The following CAPZB variants were observed in gnomAD, a reference collection of about 807,000 sequenced individuals.
CAPZB encodes the protein capping actin protein of muscle Z-line subunit beta.
In CAPZB, 2 loss-of-function variants were observed where a neutral mutation model predicts 38.1. The observed-to-expected ratio is 0.05, with a 90% confidence interval of 0.02 to 0.17. The LOEUF (loss-of-function observed/expected upper bound fraction) is 0.17, where lower values mean the gene tolerates loss of function less well. CAPZB is among the 10% of genes least tolerant of loss of function. CAPZB has a pLI of 1.00. For synonymous variants in CAPZB, 107 were observed against 127.4 expected (o/e 0.84, Z 1.08); for missense variants, 161 against 334.2 (o/e 0.48, Z 4.04).
chr1:19,383,433 T>G, intron 3 of CAPZB, among the ~76,000 whole-genome samples: 2 of 121,140 alleles, frequency 1.7e-5, no homozygotes, highest in Admixed American at 9.9e-5. Context: ...GACAACAGAG[T>G]GAGACTCTGT....
At chr1:19,480,929 C>CTA (rs1433043028) in intron 1 of CAPZB, among the ~76,000 whole-genome samples, 3 of 152,198 alleles carry the variant, frequency 2.0e-5, no homozygotes, top group African/African-American at 7.2e-5. Flanking sequence ...CAGGGACTAA[C>CTA]CATACACCCC....
chr1:19,475,586 G>A (rs1447081811), intron 1 of CAPZB, among the ~76,000 whole-genome samples: 1 of 152,172 alleles, frequency 6.6e-6, no homozygotes, highest in Non-Finnish European at 1.5e-5. Context: ...CGGCTCCTCT[G>A]TTCTCGACTG....
chr1:19,386,319 A>G (rs1351026332), intron 2 of CAPZB, among the ~76,000 whole-genome samples: 1 of 152,218 alleles, frequency 6.6e-6, no homozygotes, highest in Non-Finnish European at 1.5e-5. Context: ...GCAAGTAACC[A>G]GGCCACTGGC....
At chr1:19,428,321 T>C (rs1297380743) in intron 1 of CAPZB, among the ~76,000 whole-genome samples, 1 of 151,646 alleles carries the variant, frequency 6.6e-6, no homozygotes, top group African/African-American at 2.4e-5. Context: ...GAGAATCACT[T>C]GAAACTGGAA....
chr1:19,413,029 G>C (rs2094363905), intron 2 of CAPZB, among the ~76,000 whole-genome samples: 1 of 152,176 alleles, frequency 6.6e-6, no homozygotes, highest in African/African-American at 2.4e-5. Flanking sequence ...AGTGTCTGGT[G>C]CATGGATGGT....
intron 1 of CAPZB, among the ~76,000 whole-genome samples, chr1:19,457,848 A>T (rs2094537753): frequency 6.6e-6 from 1 of 152,162 alleles, no homozygotes; most frequent in Non-Finnish European, 1.5e-5. Context: ...GACATCGCTT[A>T]TAAGGAAAAA....
chr1:19,475,126 T>C (rs2094602524), intron 1 of CAPZB, among the ~76,000 whole-genome samples: 1 of 152,220 alleles, frequency 6.6e-6, no homozygotes, highest in South Asian at 2.1e-4. Context: ...CATCGTGTTG[T>C]GGTTAATGTT....
chr1:19,391,329 A>C (rs893076198), intron 2 of CAPZB, among the ~76,000 whole-genome samples: 5 of 152,242 alleles, frequency 3.3e-5, no homozygotes, highest in African/African-American at 1.2e-4. Context: ...CCTTGTCTTT[A>C]AGAAGTGCAC....
chr1:19,447,272 CTTTT>C (rs35692222), intron 1 of CAPZB, among the ~76,000 whole-genome samples: 1 of 74,876 alleles, frequency 1.3e-5, no homozygotes, highest in Non-Finnish European at 2.4e-5. Context: ...CAGACCTAAT[CTTTT>C]TTTTTTTTTT....
Position 19,485,466 on chromosome 1 carries a change from C to A in CAPZB, c.-28G>T. The A allele has an allele frequency of 2.4e-6, 3 of 1,230,222 alleles. No individual in the cohort carries two copies. 76.2% of individuals were successfully genotyped at this position (1,230,222 alleles called of 1,614,324 possible). A position where few individuals can be genotyped will look rare whatever the true frequency, so the allele number is the denominator to read the frequency against. ...TGGCGGCGGCGGCGGCGGTCCCGGT[C>A]CCGGCGTCAGTGGCTCTCCCCCCCG... On this transcript the variant is annotated 5_prime_UTR_variant, in exon 1 of 9. Coordinates refer to ENST00000264202, the MANE Select transcript of CAPZB (RefSeq NM_004930.5).
intron 2 of CAPZB, among the ~76,000 whole-genome samples, chr1:19,393,331 C>T (rs1010387068): frequency 2.0e-5 from 3 of 152,184 alleles, no homozygotes; most frequent in Admixed American, 6.5e-5. Flanking sequence ...GCAAGTGGTA[C>T]CCCTGAGTAA....
intron 2 of CAPZB, among the ~76,000 whole-genome samples, chr1:19,412,463 C>T (rs1449111794): frequency 1.3e-5 from 2 of 152,000 alleles, no homozygotes; most frequent in Admixed American, 6.6e-5. Context: ...TAATTTTTTT[C>T]TTACGAGATG....
At chr1:19,360,426 G>C (rs552051034) in intron 4 of CAPZB, among the ~76,000 whole-genome samples, 2 of 152,210 alleles carry the variant, frequency 1.3e-5, no homozygotes, top group Non-Finnish European at 2.9e-5. Flanking sequence ...TGCAGCCCAG[G>C]GGCATTTCAT....
intron 1 of CAPZB, among the ~76,000 whole-genome samples, chr1:19,470,115 A>C (rs539388263): frequency 3.9e-4 from 59 of 152,292 alleles, no homozygotes; most frequent in African/African-American, 1.3e-3. Flanking sequence ...GCTACTCGGG[A>C]GGCTGAGGCA....
chr1:19,427,511 C>G (rs2094427263), intron 1 of CAPZB, among the ~76,000 whole-genome samples: 1 of 152,226 alleles, frequency 6.6e-6, no homozygotes, highest in South Asian at 2.1e-4. Flanking sequence ...GTTTAAACGT[C>G]GAATCTGTTT....
At chr1:19,371,676 C>G (rs900446367) in intron 4 of CAPZB, among the ~76,000 whole-genome samples, 1 of 152,182 alleles carries the variant, frequency 6.6e-6, no homozygotes, top group African/African-American at 2.4e-5. Flanking sequence ...GGGAAGCCCC[C>G]CAGCACCTCA....
intron 6 of CAPZB, among the ~76,000 whole-genome samples, chr1:19,346,256 T>C (rs1046328328): frequency 2.6e-5 from 4 of 151,596 alleles, no homozygotes; most frequent in Non-Finnish European, 5.9e-5. Flanking sequence ...CTGAAATAAA[T>C]AATCAAGAAA....
At chr1:19,385,704 C>A in intron 2 of CAPZB, 78 bp from the exon 3 acceptor site, 1 of 1,572,416 alleles carries the variant, frequency 6.4e-7, no homozygotes, top group South Asian at 1.1e-5. Context: ...ATACTGCAGC[C>A]ATATTGTGGT....
chr1:19,453,215 C>T (rs938014546), intron 1 of CAPZB, among the ~76,000 whole-genome samples: 1 of 152,116 alleles, frequency 6.6e-6, no homozygotes. Flanking sequence ...CCGGTGTCAC[C>T]GGGCCCCTGT....
Sources: allele counts gnomAD v4.1 joint callset (sites outside exome capture counted in the v4.1 genomes callset), GRCh38; gene constraint gnomAD v4.1.1; transcripts MANE v1.5; gene names NCBI Gene and HGNC (gene_info 2026-07-23, HGNC 2026-07-21).